The following NPAS3 variants were observed in gnomAD, a reference collection of about 807,000 sequenced individuals.
The protein encoded by NPAS3 is neuronal PAS domain-containing protein 3.
Under a neutral mutation model 73.1 loss-of-function variants are expected in NPAS3, and 14 were observed. The observed-to-expected ratio is 0.19, with a 90% confidence interval of 0.13 to 0.30. The LOEUF (loss-of-function observed/expected upper bound fraction) is 0.30, where lower values mean the gene tolerates loss of function less well. Among genes scored for constraint, NPAS3 ranks in the 10% least tolerant of loss-of-function variants. NPAS3 has a pLI of 1.00. For synonymous variants in NPAS3, 620 were observed against 541.5 expected, an observed-to-expected ratio of 1.14 and a Z score of -2.01; for missense variants, 1,096 against 1,250.0, an observed-to-expected ratio of 0.88 and a Z score of 1.86.
intron 2 of NPAS3, among the ~76,000 whole-genome samples, chr14:33,206,120 ATAAAT>A (rs1330621463): frequency 6.6e-6 from 1 of 152,302 alleles, no homozygotes; most frequent in African/African-American, 2.4e-5. Context: ...ATGGGTGATT[ATAAAT>A]TAAATAAAAA....
intron 1 of NPAS3, among the ~76,000 whole-genome samples, chr14:33,010,887 A>G (rs2039165466): frequency 1.4e-5 from 2 of 147,364 alleles, no homozygotes; most frequent in South Asian, 4.4e-4. Flanking sequence ...GTGAGCTAGG[A>G]TTATGCCACT....
At chr14:33,151,657 C>A (rs1307252480) in intron 2 of NPAS3, among the ~76,000 whole-genome samples, 1 of 150,992 alleles carries the variant, frequency 6.6e-6, no homozygotes, top group Non-Finnish European at 1.5e-5. Context: ...TTTGCTATTA[C>A]AAACAATGTC....
chr14:33,626,212 C>T (rs900026412), intron 5 of NPAS3, among the ~76,000 whole-genome samples: 1 of 152,138 alleles, frequency 6.6e-6, no homozygotes, highest in African/African-American at 2.4e-5. Flanking sequence ...CTACAAACAT[C>T]TAAGTATATT....
rs3059410 is a variant in NPAS3 at position 33,672,701 on chromosome 14, GAAA to G, written c.559-3497_559-3495del. Among the ~76,000 whole-genome samples the G allele has an allele frequency of 8.6e-3, 1,244 of 145,100 alleles. 20 individuals carry two copies. The highest frequency in any genetic ancestry group is 0.019 in the Middle Eastern group (5 of 268). ...TCACCTGGTGAGTACCCATAAGAGA[GAAA>G]AAAAAAAAAAAATCAGACAAGGGTT... is the stretch of plus-strand genomic sequence containing the variant. On this transcript the variant is annotated intron_variant, in intron 5 of 11. Coordinates refer to ENST00000356141, the Ensembl canonical transcript of NPAS3.
At chr14:33,664,941 C>G (rs1338419611) in intron 5 of NPAS3, among the ~76,000 whole-genome samples, 1 of 152,060 alleles carries the variant, frequency 6.6e-6, no homozygotes, top group Admixed American at 6.5e-5. Flanking sequence ...TTGTGGAAGA[C>G]AGTGTGGCGA....
intron 6 of NPAS3, among the ~76,000 whole-genome samples, chr14:33,683,771 G>A (rs148101520): frequency 2.1e-4 from 32 of 152,306 alleles, no homozygotes; most frequent in Middle Eastern, 3.4e-3. Context: ...TTGCTTCTGT[G>A]TAAAGTTTGC....
chr14:33,199,072 C>G (rs780294266), intron 2 of NPAS3, among the ~76,000 whole-genome samples: 2 of 152,136 alleles, frequency 1.3e-5, no homozygotes, highest in Non-Finnish European at 1.5e-5. Context: ...CTGGAACTTG[C>G]GCTGGCCTGC....
At chr14:33,750,710 C>T (rs2061939970) in intron 7 of NPAS3, among the ~76,000 whole-genome samples, 1 of 152,072 alleles carries the variant, frequency 6.6e-6, no homozygotes, top group Admixed American at 6.6e-5. Flanking sequence ...GATTGTGTAC[C>T]TGTTGTGTAT....
At position 33,301,322 on chromosome 14, in the gene NPAS3, ATTTTTTTT is replaced by A. The variant is rs56242001; in HGVS notation, c.386-65859_386-65852del. 2.5e-4 allele frequency among the ~76,000 whole-genome samples: 25 copies of A among 99,694 alleles called. 3 individuals carry two copies. The highest frequency in any genetic ancestry group is 4.7e-4 in the African/African-American group (11 of 23,298). 65.4% of individuals were successfully genotyped at this position (99,694 alleles called of 152,430 possible). On this transcript the variant is annotated intron_variant, in intron 3 of 11. Coordinates refer to ENST00000356141, the Ensembl canonical transcript of NPAS3. ...GTTTTATCATTATATATATATATATATTTTTTTTTTTTAAATCTAGCTGTAATGGGTTA... is the reference window on the plus strand; with the variant it reads ...GTTTTATCATTATATATATATATATATTTTAAATCTAGCTGTAATGGGTTA...
intron 5 of NPAS3, among the ~76,000 whole-genome samples, chr14:33,633,432 A>C (rs1393773615): frequency 6.6e-6 from 1 of 152,202 alleles, no homozygotes; most frequent in African/African-American, 2.4e-5. Context: ...GTTCTGAGAA[A>C]TGCATCATTA....
chr14:33,065,541 T>G (rs1332987568), intron 2 of NPAS3, among the ~76,000 whole-genome samples: 1 of 152,112 alleles, frequency 6.6e-6, no homozygotes, highest in Non-Finnish European at 1.5e-5. Context: ...TGGGTTATTT[T>G]TTCATTGGCA....
intron 4 of NPAS3, among the ~76,000 whole-genome samples, chr14:33,471,319 C>A (rs568079246): frequency 5.3e-4 from 81 of 152,268 alleles, no homozygotes; most frequent in African/African-American, 1.9e-3. Flanking sequence ...CCGCTTTTTG[C>A]CAACCATATG....
In NPAS3 at chr14:33,741,111, C is replaced by T. The variant is rs371808903; in HGVS notation, c.852+5779C>T. ...ACTGAACTCATCAGCTAGGAGTCTC[C>T]TCCTGCTCCCAGACAAGTGTGGATG... is the stretch of plus-strand genomic sequence containing the variant. On this transcript the variant is annotated intron_variant, in intron 7 of 11. Transcript: ENST00000356141. Among the ~76,000 whole-genome samples, 21 of 152,268 alleles carry T rather than the reference C, an allele frequency of 1.4e-4. No homozygotes were observed. The East Asian group carries it at 1.9e-3, about 14-fold the overall frequency.
chr14:33,416,437 C>CT (rs550496090), intron 4 of NPAS3, among the ~76,000 whole-genome samples: 12 of 151,114 alleles, frequency 7.9e-5, no homozygotes, highest in East Asian at 1.9e-4. Flanking sequence ...TAAGGGGTTT[C>CT]TTTTTTTTTC....
intron 4 of NPAS3, among the ~76,000 whole-genome samples, chr14:33,534,083 G>A (rs1437028640): frequency 6.6e-6 from 1 of 151,924 alleles, no homozygotes; most frequent in Non-Finnish European, 1.5e-5. Flanking sequence ...ATTTTATTCA[G>A]TGTCATAATC....
chr14:33,709,833 C>A (rs1450433737), intron 6 of NPAS3, among the ~76,000 whole-genome samples: 2 of 152,176 alleles, frequency 1.3e-5, no homozygotes, highest in Non-Finnish European at 2.9e-5. Context: ...ACTTAAATAT[C>A]CCCCATGCAT....
At chr14:33,607,530 C>T (rs1047072429) in intron 5 of NPAS3, among the ~76,000 whole-genome samples, 4 of 151,906 alleles carry the variant, frequency 2.6e-5, no homozygotes, top group Non-Finnish European at 1.5e-5. Context: ...GAGAGAGATG[C>T]GGTCTTAGAA....
chr14:33,413,779 G>C (rs537488087), intron 4 of NPAS3, among the ~76,000 whole-genome samples: 1 of 152,078 alleles, frequency 6.6e-6, no homozygotes, highest in Non-Finnish European at 1.5e-5. Context: ...GCAAAGTATC[G>C]TTTCTGCCTC....
intron 4 of NPAS3, among the ~76,000 whole-genome samples, chr14:33,501,386 G>A (rs1361559193): frequency 6.6e-6 from 1 of 151,660 alleles, no homozygotes; most frequent in African/African-American, 2.4e-5. Context: ...TTAAAAGGTG[G>A]ATTTGAAATC....
Sources: allele counts gnomAD v4.1 joint callset (sites outside exome capture counted in the v4.1 genomes callset), GRCh38; gene constraint gnomAD v4.1.1; transcripts MANE v1.5; gene names NCBI Gene and HGNC (gene_info 2026-07-23, HGNC 2026-07-21).